Variants in EIF4ENIF1 observed in about 807,000 individuals in gnomAD.
The protein encoded by EIF4ENIF1 is eukaryotic translation initiation factor 4E transporter.
Under a neutral mutation model 110.5 loss-of-function variants are expected in EIF4ENIF1, and 23 were observed. The observed-to-expected ratio is 0.21, with a 90% confidence interval of 0.15 to 0.29. The LOEUF is 0.29. Among genes scored for constraint, EIF4ENIF1 ranks in the 10% least tolerant of loss-of-function variants. The pLI is 1.00. For synonymous variants in EIF4ENIF1, 440 were observed against 437.0 expected (o/e 1.01, Z -0.09); for missense variants, 1,031 against 1,221.1 (o/e 0.84, Z 2.32).
chr22:31,480,680 G>A (rs559521816), intron 2 of EIF4ENIF1, among the ~76,000 whole-genome samples: 28 of 152,122 alleles, frequency 1.8e-4, no homozygotes, highest in East Asian at 1.4e-3. Context: ...GCTTGAACCC[G>A]GGAGGCAGAG....
chr22:31,491,000 G>T (rs542177736), upstream of EIF4ENIF1, among the ~76,000 whole-genome samples: 5 of 152,298 alleles, frequency 3.3e-5, no homozygotes, highest in South Asian at 1.0e-3. Flanking sequence ...TTGTATTACT[G>T]AATAAAGTGT....
Position 31,463,086 on chromosome 22 carries a change from A to G in EIF4ENIF1, c.633T>C (p.Asn211=), listed in dbSNP as rs894420286. 2 of 1,614,104 alleles carry G rather than the reference A, an allele frequency of 1.2e-6. No homozygotes were observed. The highest frequency in any genetic ancestry group is 3.3e-5 in the Admixed American group (2 of 60,010). Residue 211 remains asparagine, a synonymous_variant, in exon 6 of 19, where the codon AAT becomes AAC. Transcript: ENST00000330125. The part of the protein sequence containing the change: ...SKRVFGERRR[N]DSYTEEEPEW... Reference sequence around the variant, plus strand: ...CTGGTTCTTCTTCTGTGTAAGAATCATTTCTTCTACGCTCACCAAAGACAC... The same window carrying G: ...CTGGTTCTTCTTCTGTGTAAGAATCGTTTCTTCTACGCTCACCAAAGACAC...
intron 15 of EIF4ENIF1, 109 bp from the exon 16 acceptor site, chr22:31,443,203 C>T: frequency 6.9e-7 from 1 of 1,444,720 alleles, no homozygotes; most frequent in Admixed American, 2.2e-5. Context: ...ACATTGGTAG[C>T]ATAGGCCAAC....
chr22:31,461,138 T>C (rs1220467798), intron 6 of EIF4ENIF1, among the ~76,000 whole-genome samples: 2 of 152,192 alleles, frequency 1.3e-5, no homozygotes, highest in Non-Finnish European at 2.9e-5. Context: ...TGATAGGCAT[T>C]GTTCTTCCCT....
chr22:31,464,010 G>A (rs1211600957), intron 4 of EIF4ENIF1, 43 bp from the exon 5 acceptor site: 4 of 1,574,124 alleles, frequency 2.5e-6, no homozygotes, highest in Admixed American at 1.8e-5. Flanking sequence ...AACCAACAAG[G>A]GTGTTTTCTT....
At position 31,441,916 on chromosome 22, in the gene EIF4ENIF1, A is replaced by G; in HGVS notation, c.2409T>C (p.Pro803=). ...PTLASPVPTT[P]FLRPVHQVPL... is the part of the protein sequence containing the mutation. ...GAACTTGGTGGACAGGGCGGAGAAA[A>G]GGTGTTGTAGGAACTGGGGATGCCA... Residue 803 remains proline (P), a synonymous_variant, in exon 17 of 19, where the codon CCT becomes CCC. Transcript: ENST00000330125. 6.2e-7 allele frequency: 1 copy of G among 1,614,084 alleles called. No homozygotes were observed. The highest frequency in any genetic ancestry group is 8.5e-7 in the Non-Finnish European group (1 of 1,180,012).
chr22:31,477,173 G>A (rs2051606801), intron 2 of EIF4ENIF1, among the ~76,000 whole-genome samples: 1 of 151,292 alleles, frequency 6.6e-6, no homozygotes, highest in African/African-American at 2.4e-5. Context: ...AGACCAGCAT[G>A]GCCAACATAG....
chr22:31,443,947 C>T (rs956128573), intron 15 of EIF4ENIF1, among the ~76,000 whole-genome samples: 1 of 151,758 alleles, frequency 6.6e-6, no homozygotes, highest in African/African-American at 2.4e-5. Context: ...CAGATGTGCA[C>T]CACCATGCCC....
intron 15 of EIF4ENIF1, among the ~76,000 whole-genome samples, chr22:31,443,934 C>T (rs1408019778): frequency 6.6e-6 from 1 of 151,410 alleles, no homozygotes; most frequent in Non-Finnish European, 1.5e-5. Flanking sequence ...ATAGCTGGGA[C>T]CACAGATGTG....
In EIF4ENIF1 at chr22:31,464,675, C is replaced by CA. The variant is rs770904708; in HGVS notation, c.299-709dup. On this transcript the variant is annotated intron_variant, in intron 4 of 18. Coordinates refer to ENST00000330125, the MANE Select transcript of EIF4ENIF1 (RefSeq NM_019843.4). ...TGGGCAAAAGACTAAGATTCAGTCT[C>CA]AAAAAAAAAAAAAAAAAAAAAAAAA... 5.6e-3 allele frequency among the ~76,000 whole-genome samples: 174 copies of CA among 30,864 alleles called. 8 individuals are homozygous for CA. Among genetic ancestry groups the CA allele is most frequent in the Admixed American group, 0.028 (78 of 2,804 alleles). The allele number at this position is 30,864 out of a possible 152,430, so 20.2% of individuals were successfully genotyped here. A position where few individuals can be genotyped will look rare whatever the true frequency, so the allele number is the denominator to read the frequency against.
At chr22:31,448,370 T>C in intron 12 of EIF4ENIF1, 138 bp from the exon 13 acceptor site, 3 of 856,382 alleles carry the variant, frequency 3.5e-6, no homozygotes, top group Non-Finnish European at 5.8e-6. Flanking sequence ...GATGTCCCTC[T>C]CCCTCTGTGC....
intron 6 of EIF4ENIF1, among the ~76,000 whole-genome samples, chr22:31,461,073 G>A (rs2050977551): frequency 6.6e-6 from 1 of 152,224 alleles, no homozygotes; most frequent in Admixed American, 6.5e-5. Flanking sequence ...CTTCTTGGAG[G>A]CTGAGTTCTG....
At chr22:31,453,772 T>C (rs2050742838) in intron 10 of EIF4ENIF1, among the ~76,000 whole-genome samples, 1 of 152,214 alleles carries the variant, frequency 6.6e-6, no homozygotes, top group African/African-American at 2.4e-5. Flanking sequence ...GATTTTACTA[T>C]ACAAATATGG....
At chr22:31,458,223 A>G (rs5749279) in intron 7 of EIF4ENIF1, among the ~76,000 whole-genome samples, 48,797 of 147,256 alleles carry the variant, frequency 0.33, 8,358 homozygotes, top group East Asian at 0.6. Flanking sequence ...GTAAGATTCC[A>G]ACTCAAAAAA....
At chr22:31,442,869 C>G (rs1445959190) in intron 16 of EIF4ENIF1, 93 bp downstream of exon 16, 2 of 1,519,030 alleles carry the variant, frequency 1.3e-6, no homozygotes, top group African/African-American at 2.8e-5. Context: ...TTGCCCAGGG[C>G]TTTGTATAGA....
chr22:31,478,022 T>C (rs148350350), intron 2 of EIF4ENIF1, among the ~76,000 whole-genome samples: 2 of 152,332 alleles, frequency 1.3e-5, no homozygotes, highest in Non-Finnish European at 2.9e-5. Flanking sequence ...TTAAAAATTA[T>C]TGCTTCCAAC....
chr22:31,454,678 T>TAA (rs1043377068), intron 9 of EIF4ENIF1, among the ~76,000 whole-genome samples: 56 of 152,320 alleles, frequency 3.7e-4, no homozygotes, highest in African/African-American at 1.3e-3. Flanking sequence ...ATGAGTCTTC[T>TAA]GGGAGACTTG....
intron 2 of EIF4ENIF1, among the ~76,000 whole-genome samples, chr22:31,474,217 C>G (rs189070122): frequency 2.6e-5 from 4 of 152,226 alleles, no homozygotes; most frequent in Admixed American, 6.5e-5. Context: ...ACCACCATGG[C>G]TGGCTAATTT....
rs766752537 is a variant in EIF4ENIF1 at position 31,440,793 on chromosome 22, G to T, written c.2627C>A (p.Pro876His). 3.1e-6 allele frequency: 5 copies of T among 1,613,990 alleles called. No individual in the cohort carries two copies. The highest frequency in any genetic ancestry group is 4.2e-6 in the Non-Finnish European group (5 of 1,179,880). ...GAGAGGGTGACTAGCAGCAGGTAAA[G>T]GGTAAAAGGGCTGACCCAGGATGGG... Reference protein sequence around the residue: ...SGPILGQPFYPLPAASHPLLN... With the variant: ...SGPILGQPFYHLPAASHPLLN... The change falls in exon 18 of 19, where the codon CCT becomes CAT. Residue 876 changes from proline (P) to histidine (H), a missense_variant. Coordinates refer to ENST00000330125, the MANE Select transcript of EIF4ENIF1 (RefSeq NM_019843.4).
Sources: gnomAD v4.1 joint callset for allele counts (sites outside exome capture counted in the v4.1 genomes callset) on GRCh38, gnomAD v4.1.1 for gene constraint, MANE v1.5 for transcripts, NCBI Gene and HGNC (gene_info 2026-07-23, HGNC 2026-07-21) for gene names.